IGF1R: variants seen among roughly 807,000 people sequenced by gnomAD.
IGF1R encodes the protein insulin-like growth factor 1 receptor.
A neutral mutation model predicts 144.6 loss-of-function variants in IGF1R; 44 were observed. The ratio of observed to expected loss-of-function variants is 0.30; its 90% CI spans 0.24 to 0.39. The LOEUF is 0.39. IGF1R is among the 10% of genes least tolerant of loss of function. The pLI, the probability that IGF1R is intolerant of heterozygous loss-of-function variation, is 1.00. For missense variants in IGF1R, 1,355 were observed against 1,833.7 expected (o/e 0.74, Z 4.77); for synonymous variants, 795 against 722.8 (o/e 1.10, Z -1.60).
chr15:98,662,325 C>CG (rs1273468201), intron 1 of IGF1R, among the ~76,000 whole-genome samples: 2 of 151,982 alleles, frequency 1.3e-5, no homozygotes, highest in African/African-American at 4.8e-5. Flanking sequence ...GGTTTGAACC[C>CG]GGACGTCTGA....
chr15:98,836,053 A>G (rs1273643154), intron 2 of IGF1R, among the ~76,000 whole-genome samples: 1 of 152,154 alleles, frequency 6.6e-6, no homozygotes, highest in African/African-American at 2.4e-5. Context: ...TAGAATCTCA[A>G]TTGTGTAATA....
At chr15:98,739,797 G>T (rs2054696368) in intron 2 of IGF1R, among the ~76,000 whole-genome samples, 1 of 152,116 alleles carries the variant, frequency 6.6e-6, no homozygotes, top group Non-Finnish European at 1.5e-5. Context: ...TCACCATGTT[G>T]CCCAGGCTGT....
chr15:98,869,295 AAAAC>A (rs112405427), intron 2 of IGF1R, among the ~76,000 whole-genome samples: 6 of 123,650 alleles, frequency 4.9e-5, no homozygotes, highest in Non-Finnish European at 6.8e-5. Flanking sequence ...TCAATTAAAA[AAAAC>A]AAACAACAAC....
intron 2 of IGF1R, among the ~76,000 whole-genome samples, chr15:98,859,797 C>A (rs992701867): frequency 1.3e-5 from 2 of 152,192 alleles, no homozygotes; most frequent in Non-Finnish European, 2.9e-5. Flanking sequence ...GAATTAATTT[C>A]TTCAATAAAG....
chr15:98,852,869 T>C (rs529942563), intron 2 of IGF1R, among the ~76,000 whole-genome samples: 19 of 152,342 alleles, frequency 1.2e-4, no homozygotes, highest in African/African-American at 4.1e-4. Flanking sequence ...GCCCTTATTC[T>C]GGCTTTCTTC....
At position 98,960,326 on chromosome 15, in the gene IGF1R, C is replaced by CGGA. The variant is rs1358935031; in HGVS notation, c.*2884_*2885insGGA. ...TTTTGTTTTCTATCTTGGTTTCCAC[C>CGGA]AAGGTGTTAGATTTCTCCTCCTCCT... On this transcript the variant is annotated 3_prime_UTR_variant, in exon 21 of 21. Coordinates refer to ENST00000650285, the MANE Select transcript of IGF1R (RefSeq NM_000875.5). The CGGA allele has an allele frequency of 4.3e-6, 1 of 233,178 alleles. No individual in the cohort carries two copies. The highest frequency in any genetic ancestry group is 8.5e-6 in the Non-Finnish European group (1 of 118,004). The allele number at this position is 233,178 out of a possible 1,614,324, so 14.4% of individuals were successfully genotyped here.
In IGF1R at chr15:98,909,598, A is replaced by G. The variant is rs115985717; in HGVS notation, c.1462+699A>G. Among the ~76,000 whole-genome samples the G allele has an allele frequency of 9.8e-3, 1,488 of 152,264 alleles. 22 individuals carry two copies. Among genetic ancestry groups the G allele is most frequent in the African/African-American group, 0.034 (1,406 of 41,566 alleles). On this transcript the variant is annotated intron_variant, in intron 6 of 20. Transcript: ENST00000650285. ...GGAAGAGCCAGTGTGCTTCAGCCCT[A>G]TGAGCTCTACCCTTCTGCTCCCACA...
At position 98,888,438 on chromosome 15, in the gene IGF1R, A is replaced by AGAGTGTGTGTGTGTGT. The variant is rs1555457179; in HGVS notation, c.641-2886_641-2885insAGTGTGTGTGTGTGTG. Among the ~76,000 whole-genome samples, 57 of 143,452 alleles carry AGAGTGTGTGTGTGTGT rather than the reference A, an allele frequency of 4.0e-4. 1 individual carries two copies. Among genetic ancestry groups the AGAGTGTGTGTGTGTGT allele is most frequent in the East Asian group, 4.0e-3 (19 of 4,796 alleles). 94.1% of individuals were successfully genotyped at this position (143,452 alleles called of 152,430 possible). Reference sequence around the variant, plus strand: ...TGGGGGTTTGATGAGAGAGAGAGAGAGTGTGTGTGTGTGTGTGTGTGTGTG... The same window carrying AGAGTGTGTGTGTGTGT: ...TGGGGGTTTGATGAGAGAGAGAGAGAGAGTGTGTGTGTGTGTGTGTGTGTGTGTGTGTGTGTGTGTG... On this transcript the variant is annotated intron_variant, in intron 2 of 20. Coordinates refer to ENST00000650285, the MANE Select transcript of IGF1R (RefSeq NM_000875.5).
Position 98,663,236 on chromosome 15 carries a change from G to A in IGF1R, c.94+13561G>A, listed in dbSNP as rs191609627. On this transcript the variant is annotated intron_variant, in intron 1 of 20. Coordinates refer to ENST00000650285, the MANE Select transcript of IGF1R (RefSeq NM_000875.5). ...GCTGGGGTGGTTTGTCGAGAGAGCA[G>A]TCCCAGTTGATGGAGAGGCAGGACC... Among the ~76,000 whole-genome samples, 127 of 152,240 alleles carry A rather than the reference G, an allele frequency of 8.3e-4. 1 individual carries two copies. The highest frequency in any genetic ancestry group is 2.3e-3 in the African/African-American group (96 of 41,542).
At chr15:98,929,790 A>G in intron 14 of IGF1R, 130 bp downstream of exon 14, 2 of 736,780 alleles carry the variant, frequency 2.7e-6, no homozygotes, top group Non-Finnish European at 4.9e-6. Flanking sequence ...TTTTCCCATC[A>G]AATGTTCTTC....
intron 2 of IGF1R, among the ~76,000 whole-genome samples, chr15:98,725,116 C>T (rs1326202918): frequency 6.6e-6 from 1 of 152,190 alleles, no homozygotes; most frequent in African/African-American, 2.4e-5. Context: ...TTTACTGCCC[C>T]ACTCCCCTTT....
In IGF1R at chr15:98,898,284, A is replaced by T. The variant is rs1416361373; in HGVS notation, c.1103-1193A>T. 3.3e-5 allele frequency among the ~76,000 whole-genome samples: 5 copies of T among 152,240 alleles called. No individual in the cohort carries two copies. The East Asian group carries it at 9.6e-4, about 29-fold the overall frequency. On this transcript the variant is annotated intron_variant, in intron 4 of 20. Transcript: ENST00000650285. ...TTTTTATCTTCCTGTCCTGAAGACA[A>T]AAATTTAATCTGTGAATTAAACCCA...
intron 2 of IGF1R, among the ~76,000 whole-genome samples, chr15:98,770,983 A>G (rs1464347091): frequency 1.3e-5 from 2 of 152,186 alleles, no homozygotes; most frequent in African/African-American, 2.4e-5. Flanking sequence ...CTTAGTCCCC[A>G]TGGCAGTACT....
At chr15:98,744,146 T>G (rs12908437) in intron 2 of IGF1R, among the ~76,000 whole-genome samples, 1 of 151,350 alleles carries the variant, frequency 6.6e-6, no homozygotes, top group Non-Finnish European at 1.5e-5. Context: ...GAAACACACA[T>G]GAGATAATTC....
intron 2 of IGF1R, among the ~76,000 whole-genome samples, chr15:98,763,001 G>A (rs182441445): frequency 2.4e-4 from 35 of 146,982 alleles, no homozygotes; most frequent in Non-Finnish European, 3.0e-5. Context: ...AGCTGAGGTC[G>A]CACCACTGCA....
At chr15:98,712,531 C>A (rs1306397104) in intron 2 of IGF1R, among the ~76,000 whole-genome samples, 2 of 152,086 alleles carry the variant, frequency 1.3e-5, no homozygotes, top group Non-Finnish European at 2.9e-5. Flanking sequence ...CTGCTCCTCC[C>A]CCTTACAGCA....
chr15:98,876,022 C>T (rs2013043537), intron 2 of IGF1R, among the ~76,000 whole-genome samples: 1 of 152,072 alleles, frequency 6.6e-6, no homozygotes, highest in Non-Finnish European at 1.5e-5. Context: ...GTTGGGTGGG[C>T]CAGCAGCAAA....
At chr15:98,873,501 G>C (rs908707507) in intron 2 of IGF1R, among the ~76,000 whole-genome samples, 1 of 152,194 alleles carries the variant, frequency 6.6e-6, no homozygotes, top group Non-Finnish European at 1.5e-5. Flanking sequence ...ATTCTGCAGA[G>C]GGCAGTCATG....
intron 2 of IGF1R, among the ~76,000 whole-genome samples, chr15:98,845,555 C>T (rs1308834307): frequency 6.9e-6 from 1 of 145,752 alleles, no homozygotes; most frequent in East Asian, 2.1e-4. Flanking sequence ...CCCCTCCTCT[C>T]TCCTCTTCTC....
Sources: allele counts gnomAD v4.1 joint callset (sites outside exome capture counted in the v4.1 genomes callset), GRCh38; gene constraint gnomAD v4.1.1; transcripts MANE v1.5; gene names NCBI Gene and HGNC (gene_info 2026-07-23, HGNC 2026-07-21).